Variants in VGLL4 observed in about 807,000 individuals in gnomAD.
VGLL4 encodes vestigial like family member 4.
A neutral mutation model predicts 21.0 loss-of-function variants in VGLL4; 7 were observed. The observed-to-expected ratio is 0.33, with a 90% CI of 0.19 to 0.63. The LOEUF (loss-of-function observed/expected upper bound fraction) is 0.63. VGLL4 is among the 20% of genes least tolerant of loss of function. The pLI, the probability that VGLL4 is intolerant of heterozygous loss-of-function variation, is 0.78. For synonymous variants in VGLL4, 222 were observed against 173.2 expected (o/e 1.28, Z -2.21); for missense variants, 394 against 425.7 (o/e 0.93, Z 0.66).
intron 2 of VGLL4, among the ~76,000 whole-genome samples, chr3:11,586,579 C>T (rs538043124): frequency 2.6e-5 from 4 of 152,276 alleles, no homozygotes; most frequent in African/African-American, 9.6e-5. Context: ...AGTATAACAA[C>T]CATTTCCACA....
At chr3:11,714,732 C>T (rs1418958195) in intron 1 of VGLL4, among the ~76,000 whole-genome samples, 1 of 152,140 alleles carries the variant, frequency 6.6e-6, no homozygotes, top group Non-Finnish European at 1.5e-5. Context: ...CTTGCTCTTG[C>T]ATTTATTTGA....
chr3:11,565,586 C>G lies in VGLL4; in HGVS notation c.273-567G>C, dbSNP rs962903512. ...AGTGGTGGAATAATCAGCTCAGACT[C>G]CCAGCTGACATGTGGTGGCACGTGC... On this transcript the variant is annotated intron_variant, in intron 2 of 4. Coordinates refer to ENST00000430365, the MANE Select transcript of VGLL4 (RefSeq NM_001128219.3). This position sits in a 1 kb window ranked among gnomAD's most constrained non-coding sequence, Gnocchi z 4.1. Among the ~76,000 whole-genome samples the G allele has an allele frequency of 6.6e-6, 1 of 152,196 alleles. No individual in the cohort carries two copies. The highest frequency in any genetic ancestry group is 1.5e-5 in the Non-Finnish European group (1 of 68,026).
At chr3:11,717,026 C>G (rs1342267029) in intron 1 of VGLL4, among the ~76,000 whole-genome samples, 1 of 152,096 alleles carries the variant, frequency 6.6e-6, no homozygotes. Context: ...CAGCTCATCT[C>G]ACACAAGCAA....
rs190525658 is a variant in VGLL4, at chr3:11,612,862, G to T, written c.83-10840C>A. On this transcript the variant is annotated intron_variant, in intron 1 of 4. Transcript: ENST00000430365. The stretch of plus-strand genomic sequence containing the variant: ...TGCACAGTCCTCCTTAATGGAAAAG[G>T]CTCTTAAAGCCTGGCAGAAATTCTG... Among the ~76,000 whole-genome samples, 231 of 152,322 alleles carry T rather than the reference G, an allele frequency of 1.5e-3. 3 individuals are homozygous for T. The highest frequency in any genetic ancestry group is 1.7e-3 in the South Asian group (8 of 4,818).
chr3:11,626,871 G>C (rs2075360543), intron 1 of VGLL4, among the ~76,000 whole-genome samples: 1 of 143,946 alleles, frequency 6.9e-6, no homozygotes, highest in Non-Finnish European at 1.5e-5. Flanking sequence ...ACAATACAGA[G>C]AAGTGCTAAT....
intron 1 of VGLL4, among the ~76,000 whole-genome samples, chr3:11,634,947 C>A (rs902186788): frequency 3.3e-5 from 5 of 152,186 alleles, no homozygotes; most frequent in African/African-American, 4.8e-5. Flanking sequence ...GCTGGGATTA[C>A]AGGCGTGAGC....
In VGLL4 at chr3:11,564,952, C is replaced by G. The variant is rs145391722; in HGVS notation, c.340G>C (p.Ala114Pro). 1 of 1,568,082 alleles carries G rather than the reference C, an allele frequency of 6.4e-7. No individual in the cohort carries two copies. The highest frequency in any genetic ancestry group is 1.2e-5 in the South Asian group (1 of 85,654). Reference sequence around the variant, plus strand: ...TGCAGGCTCATGGTGGGGGCCACAGCGCGCTCGATGGGGCTGCGGCTCCGC... The same window carrying G: ...TGCAGGCTCATGGTGGGGGCCACAGGGCGCTCGATGGGGCTGCGGCTCCGC... ...RERSRSPIER[A>P]VAPTMSLHGS... The change falls in exon 3 of 5, where the codon GCT (alanine) becomes CCT (proline). Residue 114 changes from alanine (A) to proline (P), a missense_variant. Ala to Pro is a conservative substitution (Grantham distance 27). Transcript: ENST00000430365.
upstream of VGLL4, chr3:11,643,932 A>C (rs1483204802): frequency 5.0e-6 from 5 of 996,076 alleles, no homozygotes; most frequent in East Asian, 3.2e-4. Flanking sequence ...CATGACTCCT[A>C]TGCCGCCGCT....
chr3:11,560,527 G>C (rs1358632225), intron 3 of VGLL4, among the ~76,000 whole-genome samples: 1 of 152,208 alleles, frequency 6.6e-6, no homozygotes, highest in Non-Finnish European at 1.5e-5. Flanking sequence ...CTGGTATAAA[G>C]ACACAAAAGG....
intron 2 of VGLL4, among the ~76,000 whole-genome samples, chr3:11,587,241 A>C (rs2074382323): frequency 6.6e-6 from 1 of 152,190 alleles, no homozygotes; most frequent in South Asian, 2.1e-4. Context: ...TCCAGTGATA[A>C]ACTCAGCAAA....
upstream of VGLL4, among the ~76,000 whole-genome samples, chr3:11,647,174 C>T (rs540114371): frequency 2.0e-5 from 3 of 152,112 alleles, no homozygotes; most frequent in African/African-American, 4.8e-5. Flanking sequence ...CCTCCTGGAC[C>T]GGCTCTAGGC....
intron 2 of VGLL4, among the ~76,000 whole-genome samples, chr3:11,699,811 CA>C (rs112509560): frequency 0.061 from 8,469 of 138,712 alleles, 267 homozygotes; most frequent in Middle Eastern, 0.098. Context: ...AGTTCTGTCT[CA>C]AAAAAAAAAA....
At chr3:11,666,639 A>G (rs1053598223) in intron 2 of VGLL4, among the ~76,000 whole-genome samples, 78 of 152,302 alleles carry the variant, frequency 5.1e-4, no homozygotes, top group African/African-American at 1.9e-3. Context: ...ATGACTGTAA[A>G]CTTTCTGGGC....
At chr3:11,642,014 G>T (rs1382203246) in intron 1 of VGLL4, among the ~76,000 whole-genome samples, 2 of 148,818 alleles carry the variant, frequency 1.3e-5, no homozygotes, top group African/African-American at 5.1e-5. Flanking sequence ...GGGGGAAGCG[G>T]GGATGGTTAA....
chr3:11,567,763 T>C (rs1478290491), intron 2 of VGLL4, among the ~76,000 whole-genome samples: 2 of 152,214 alleles, frequency 1.3e-5, no homozygotes, highest in African/African-American at 4.8e-5. Flanking sequence ...TCCTGAATAC[T>C]CAGTTCATCA....
chr3:11,711,032 G>A (rs530364087), intron 1 of VGLL4, among the ~76,000 whole-genome samples: 11 of 150,848 alleles, frequency 7.3e-5, no homozygotes, highest in East Asian at 4.0e-4. Flanking sequence ...CCCGGGAGGC[G>A]GAGTTTGCAG....
upstream of VGLL4, among the ~76,000 whole-genome samples, chr3:11,645,009 C>T (rs2075766867): frequency 1.3e-5 from 2 of 151,542 alleles, no homozygotes; most frequent in Non-Finnish European, 2.9e-5. Context: ...TGTCACCCAC[C>T]TGTGTGTAAG....
intron 2 of VGLL4, among the ~76,000 whole-genome samples, chr3:11,584,983 G>C (rs1457983839): frequency 6.6e-6 from 1 of 152,000 alleles, no homozygotes; most frequent in African/African-American, 2.4e-5. Context: ...GACCTTCCTA[G>C]GTCCTATGTA....
intron 2 of VGLL4, chr3:11,702,821 G>T (rs2076702434): frequency 2.0e-6 from 1 of 487,848 alleles, no homozygotes; most frequent in African/African-American, 2.0e-5. Flanking sequence ...TACAAATGAG[G>T]ATGTGAAGCT....
Sources: allele counts gnomAD v4.1 joint callset (sites outside exome capture counted in the v4.1 genomes callset), GRCh38; gene constraint gnomAD v4.1.1; non-coding constraint Gnocchi (gnomAD v3.1); transcripts MANE v1.5; gene names NCBI Gene and HGNC (gene_info 2026-07-23, HGNC 2026-07-21).